Variants in XG observed in about 807,000 individuals in gnomAD.
The protein encoded by XG is glycoprotein Xg.
Under a neutral mutation model 25.7 loss-of-function variants are expected in XG, and 24 were observed. The observed-to-expected ratio is 0.93, with a 90% confidence interval of 0.68 to 1.31. The LOEUF (loss-of-function observed/expected upper bound fraction) is 1.31, where lower values mean the gene tolerates loss of function less well. Ranked by LOEUF, XG falls within the 40% of genes most tolerant of loss-of-function variation. The probability of loss-of-function intolerance (pLI) is 0.00; values close to 1 mark genes in which losing one functional copy is unlikely to be tolerated. For missense variants in XG, 181 were observed against 187.6 expected (o/e 0.96, Z 0.21); for synonymous variants, 77 against 69.2 (o/e 1.11, Z -0.56).
At chrX:2,814,325 TGCCC>T in intron 10 of XG, 35 bp from the exon 11 acceptor site, 3 of 1,189,480 alleles carry the variant, frequency 2.5e-6, no homozygotes, top group Admixed American at 2.4e-5. Context: ...CTTTTTTTTT[TGCCC>T]CCACAATGAC....
At chrX:2,792,445 C>T (rs754788699) in intron 5 of XG, among the ~76,000 whole-genome samples, 5 of 110,970 alleles carry the variant, frequency 4.5e-5, no homozygotes, top group Non-Finnish European at 7.6e-5. Flanking sequence ...AGCAATCCTC[C>T]GACTTTAGCC....
Position 2,763,470 on chromosome X carries a change from C to A in XG, c.62-7080C>A, listed in dbSNP as rs1175515856. ...TTTGTTCTAAATTCCTTCCCTGGGG[C>A]ATGTGGCGGTGGGAGGGGGGTGGAA... On this transcript the variant is annotated intron_variant, in intron 1 of 10. Coordinates refer to ENST00000644266, the MANE Select transcript of XG (RefSeq NM_001141919.2). 1.2e-4 allele frequency among the ~76,000 whole-genome samples: 15 copies of A among 124,966 alleles called. 1 individual carries two copies. The East Asian group carries it at 4.2e-3, about 35-fold the overall frequency. 82.0% of individuals were successfully genotyped at this position (124,966 alleles called of 152,430 possible). A position where few individuals can be genotyped will look rare whatever the true frequency, so the allele number is the denominator to read the frequency against.
chrX:2,765,348 A>G (rs2050658324), intron 1 of XG, among the ~76,000 whole-genome samples: 1 of 137,530 alleles, frequency 7.3e-6, no homozygotes, highest in South Asian at 2.3e-4. Context: ...GAGGTTCTGT[A>G]TGAGAGAAAG....
intron 4 of XG, among the ~76,000 whole-genome samples, chrX:2,787,926 A>G (rs1167130464): frequency 2.1e-5 from 2 of 96,938 alleles, no homozygotes; most frequent in Admixed American, 1.1e-4. Flanking sequence ...AAAAAAAAAA[A>G]GAGAGTCTAG....
At chrX:2,806,078 A>G (rs1043053198) in intron 7 of XG, among the ~76,000 whole-genome samples, 1 of 112,182 alleles carries the variant, frequency 8.9e-6, no homozygotes, top group Admixed American at 9.5e-5. Context: ...CCCAGCCTGG[A>G]GTGCAGGGAC....
chrX:2,796,580 G>T (rs1446712977), intron 6 of XG, among the ~76,000 whole-genome samples: 1 of 110,523 alleles, frequency 9.0e-6, no homozygotes, highest in African/African-American at 3.3e-5. Context: ...TCTGTAATTG[G>T]AGGTGAATGT....
At position 2,756,273 on chromosome X, in the gene XG, G is replaced by T. The variant is rs2050433007; in HGVS notation, c.61+3938G>T. On this transcript the variant is annotated intron_variant, in intron 1 of 10. Coordinates refer to ENST00000644266, the MANE Select transcript of XG (RefSeq NM_001141919.2). The stretch of plus-strand genomic sequence containing the variant: ...CAGGTCTTCTAACAGCTGAGAAGAA[G>T]CTGAGAACCAGAAGTGGAAACCCCA... Among the ~76,000 whole-genome samples the T allele has an allele frequency of 3.3e-5, 5 of 152,118 alleles. No homozygotes were observed. The South Asian group carries it at 1.0e-3, about 32-fold the overall frequency.
At chrX:2,769,386 C>T (rs1297101188) in intron 1 of XG, among the ~76,000 whole-genome samples, 1 of 152,212 alleles carries the variant, frequency 6.6e-6, no homozygotes, top group Non-Finnish European at 1.5e-5. Context: ...GACTCTGCTC[C>T]TGCCTTGCCC....
intron 7 of XG, among the ~76,000 whole-genome samples, chrX:2,797,695 A>C (rs1354792211): frequency 1.8e-5 from 2 of 110,519 alleles, no homozygotes; most frequent in African/African-American, 3.3e-5. Flanking sequence ...GCATCCAACA[A>C]ATTCTTTAGG....
At chrX:2,779,916 G>T (rs1237817203) in intron 3 of XG, among the ~76,000 whole-genome samples, 1 of 151,984 alleles carries the variant, frequency 6.6e-6, no homozygotes, top group Non-Finnish European at 1.5e-5. Context: ...CAAAGTGCTG[G>T]GATTACAGGG....
chrX:2,792,545 T>G (rs80152764), intron 5 of XG, among the ~76,000 whole-genome samples: 7 of 99,773 alleles, frequency 7.0e-5, no homozygotes, highest in Admixed American at 1.1e-4. Context: ...TTCTTTTTCT[T>G]TGTGTGTGTG....
chrX:2,760,813 A>G (rs1156501397), intron 1 of XG, among the ~76,000 whole-genome samples: 1 of 151,604 alleles, frequency 6.6e-6, no homozygotes, highest in African/African-American at 2.4e-5. Context: ...ACAGGACTGC[A>G]GACCTTATAA....
intron 1 of XG, among the ~76,000 whole-genome samples, chrX:2,766,557 CTTTT>C (rs1177391752): frequency 0.21 from 18,938 of 89,664 alleles, 2,871 homozygotes; most frequent in African/African-American, 0.48. Flanking sequence ...CTTATGGCCA[CTTTT>C]TTTTTTTTTT....
chrX:2,801,386 A>G (rs1331330741), intron 7 of XG, among the ~76,000 whole-genome samples: 1 of 111,267 alleles, frequency 9.0e-6, no homozygotes, highest in Non-Finnish European at 1.9e-5. Context: ...AAAAGTTGGG[A>G]GGTTGTGGAC....
chrX:2,771,405 G>C (rs1302933969), intron 2 of XG, among the ~76,000 whole-genome samples: 1 of 152,146 alleles, frequency 6.6e-6, no homozygotes, highest in East Asian at 1.9e-4. Flanking sequence ...CCAGGGCACT[G>C]AGGACCTGGA....
At chrX:2,803,649 C>T (rs1346172060) in intron 7 of XG, among the ~76,000 whole-genome samples, 2 of 109,238 alleles carry the variant, frequency 1.8e-5, no homozygotes, top group Non-Finnish European at 3.8e-5. Context: ...GGGTGGATGG[C>T]GGAACTGGTT....
intron 2 of XG, among the ~76,000 whole-genome samples, chrX:2,774,480 C>T (rs2050930269): frequency 1.3e-5 from 2 of 152,060 alleles, no homozygotes; most frequent in African/African-American, 4.8e-5. Flanking sequence ...TTCTCAGCTA[C>T]TTTGGCCATC....
intron 6 of XG, among the ~76,000 whole-genome samples, chrX:2,795,022 A>G (rs1285622225): frequency 1.8e-5 from 2 of 110,946 alleles, no homozygotes; most frequent in Non-Finnish European, 3.8e-5. Flanking sequence ...TTAAATATAT[A>G]TAAATGCATC....
chrX:2,765,868 C>T lies in XG; in HGVS notation c.62-4682C>T, dbSNP rs146995885. On this transcript the variant is annotated intron_variant, in intron 1 of 10. Transcript: ENST00000644266. ...GTTTGTTATATTGACTTTCTGGGGT[C>T]GTGGCCCCTGAAGCATTACTGAAAA... is the stretch of plus-strand genomic sequence containing the variant. Among the ~76,000 whole-genome samples, 495 of 152,310 alleles carry T rather than the reference C, an allele frequency of 3.2e-3. 2 individuals are homozygous for T. The highest frequency in any genetic ancestry group is 5.3e-3 in the Non-Finnish European group (360 of 68,038).
Sources: allele counts gnomAD v4.1 joint callset (sites outside exome capture counted in the v4.1 genomes callset), GRCh38; gene constraint gnomAD v4.1.1; transcripts MANE v1.5; gene names NCBI Gene and HGNC (gene_info 2026-07-23, HGNC 2026-07-21).